Variants in WDR72 observed in about 807,000 individuals in gnomAD.
WDR72 encodes WD repeat-containing protein 72.
In WDR72, 120 loss-of-function variants were observed where a neutral mutation model predicts 124.2. The observed-to-expected ratio is 0.97, with a 90% CI of 0.83 to 1.12. WDR72 has a LOEUF of 1.12. Ranked by LOEUF, WDR72 falls within the 50% of genes most tolerant of loss-of-function variation. The pLI is 0.00. For missense variants in WDR72, 1,387 were observed against 1,278.8 expected, an observed-to-expected ratio of 1.08 and a Z score of -1.29; for synonymous variants, 452 against 441.7, an observed-to-expected ratio of 1.02 and a Z score of -0.29.
chr15:53,750,651 G>A (rs1341938782), intron 1 of WDR72, among the ~76,000 whole-genome samples: 1 of 152,144 alleles, frequency 6.6e-6, no homozygotes, highest in Admixed American at 6.6e-5. Context: ...TTCTGGAAAA[G>A]GTTCACCACT....
At chr15:53,759,273 T>C (rs1212016129) in intron 1 of WDR72, 2 of 152,190 alleles carry the variant, frequency 1.3e-5, no homozygotes, top group Non-Finnish European at 2.9e-5. Context: ...CAAGAAATTA[T>C]CCTAATAGGG....
chr15:53,596,966 A>T, intron 18 of WDR72, 113 bp downstream of exon 18: 1 of 1,007,896 alleles, frequency 9.9e-7, no homozygotes, highest in Non-Finnish European at 1.5e-6. Context: ...AATGTCTATC[A>T]CTTGTGCACC....
At chr15:53,521,646 C>CA (rs1458162373) in intron 19 of WDR72, among the ~76,000 whole-genome samples, 2 of 152,010 alleles carry the variant, frequency 1.3e-5, no homozygotes, top group Admixed American at 1.3e-4. Context: ...ATCTCGCTCC[C>CA]ATTCCATTCA....
intron 18 of WDR72, among the ~76,000 whole-genome samples, chr15:53,584,183 C>T (rs563681663): frequency 4.6e-5 from 7 of 151,988 alleles, no homozygotes; most frequent in Admixed American, 2.6e-4. Flanking sequence ...GATGAAAAAT[C>T]GGACCAAATA....
In WDR72 at chr15:53,702,193, T is replaced by C; in HGVS notation, c.1510A>G (p.Lys504Glu). 2.5e-6 allele frequency: 4 copies of C among 1,614,098 alleles called. No homozygotes were observed. The highest frequency in any genetic ancestry group is 1.7e-6 in the Non-Finnish European group (2 of 1,180,000). Residue 504 changes from lysine to glutamate, a missense_variant, in exon 12 of 20, where the codon AAA becomes GAA. Physicochemically the swap from Lys to Glu is moderately conservative, Grantham distance 56. Transcript: ENST00000360509. ...ACTGGACCAGCTTCCAAAAAGAATTTATGCAAAATTTCTTCAGTAAAGATA... is the reference window on the plus strand; with the variant it reads ...ACTGGACCAGCTTCCAAAAAGAATTCATGCAAAATTTCTTCAGTAAAGATA... ...WDIFTEEILH[K>E]FFLEAGPVTS...
At chr15:53,737,866 C>T (rs1042743199) in intron 1 of WDR72, among the ~76,000 whole-genome samples, 1 of 151,912 alleles carries the variant, frequency 6.6e-6, no homozygotes, top group African/African-American at 2.4e-5. Flanking sequence ...TCAATGAGAC[C>T]ACGCATACAA....
At chr15:53,553,794 C>T (rs11070989) in intron 18 of WDR72, among the ~76,000 whole-genome samples, 42,552 of 151,986 alleles carry the variant, frequency 0.28, 6,645 homozygotes, top group African/African-American at 0.43. Context: ...ATATTTGTGA[C>T]ATAGTAATTA....
intron 13 of WDR72, among the ~76,000 whole-genome samples, chr15:53,683,637 T>C (rs138131803): frequency 2.8e-4 from 42 of 152,090 alleles, no homozygotes; most frequent in African/African-American, 9.4e-4. Context: ...CCATAGAAAA[T>C]AGATTTTAAA....
intron 17 of WDR72, 112 bp from the exon 18 acceptor site, chr15:53,597,386 T>C (rs2012829152): frequency 2.0e-6 from 2 of 1,007,160 alleles, no homozygotes; most frequent in Admixed American, 2.3e-5. Flanking sequence ...CCATAAACGA[T>C]AACTTTTCAT....
At chr15:53,602,086 A>T (rs1319031233) in intron 17 of WDR72, among the ~76,000 whole-genome samples, 1 of 152,112 alleles carries the variant, frequency 6.6e-6, no homozygotes, top group Non-Finnish European at 1.5e-5. Context: ...TCATAATTGG[A>T]AGTAAAACAC....
chr15:53,732,892 T>C (rs2018241741), intron 2 of WDR72, 105 bp downstream of exon 2: 1 of 1,380,270 alleles, frequency 7.2e-7, no homozygotes, highest in East Asian at 2.3e-5. Context: ...AATAAACATC[T>C]TTTTAACAAT....
intron 18 of WDR72, among the ~76,000 whole-genome samples, chr15:53,566,423 A>G (rs1894296352): frequency 1.3e-5 from 2 of 152,056 alleles, no homozygotes; most frequent in African/African-American, 4.8e-5. Flanking sequence ...GGAACAGATC[A>G]GCATTATCCG....
intron 18 of WDR72, among the ~76,000 whole-genome samples, chr15:53,555,205 T>C (rs1395490436): frequency 1.0e-5 from 1 of 98,956 alleles, no homozygotes; most frequent in Non-Finnish European, 2.2e-5. Flanking sequence ...TGTGAAGCCA[T>C]TTAAGATAAA....
chr15:53,695,168 A>G (rs1319133345), intron 13 of WDR72, among the ~76,000 whole-genome samples: 2 of 152,224 alleles, frequency 1.3e-5, no homozygotes, highest in African/African-American at 2.4e-5. Flanking sequence ...AAAAAGTGCA[A>G]TTACTTAATA....
At chr15:53,712,379 C>G (rs8039611) in intron 7 of WDR72, among the ~76,000 whole-genome samples, 7,432 of 152,140 alleles carry the variant, frequency 0.049, 639 homozygotes, top group African/African-American at 0.17. Context: ...GGGCAGATCA[C>G]GAGGTCAGGA....
At chr15:53,755,118 C>T (rs1238266395) in intron 1 of WDR72, among the ~76,000 whole-genome samples, 1 of 152,180 alleles carries the variant, frequency 6.6e-6, no homozygotes, top group African/African-American at 2.4e-5. Flanking sequence ...TTTTCTCCTT[C>T]CCCAGGCGAC....
intron 18 of WDR72, among the ~76,000 whole-genome samples, chr15:53,528,370 G>C (rs1261530224): frequency 6.6e-6 from 1 of 152,058 alleles, no homozygotes; most frequent in Non-Finnish European, 1.5e-5. Flanking sequence ...AATTGGGGAA[G>C]AATCATGTAG....
chr15:53,646,343 C>T (rs1269059333), intron 14 of WDR72, among the ~76,000 whole-genome samples: 4 of 151,994 alleles, frequency 2.6e-5, no homozygotes, highest in Non-Finnish European at 5.9e-5. Context: ...TATCATATTT[C>T]CCAAATAATC....
intron 13 of WDR72, among the ~76,000 whole-genome samples, chr15:53,686,660 A>AAAGTCAAC (rs2016639434): frequency 7.2e-6 from 1 of 138,474 alleles, no homozygotes; most frequent in African/African-American, 3.5e-5. Context: ...AACGAGACAG[A>AAAGTCAAC]AAGTCAACAA....
Sources: gnomAD v4.1 joint callset for allele counts (sites outside exome capture counted in the v4.1 genomes callset) on GRCh38, gnomAD v4.1.1 for gene constraint, MANE v1.5 for transcripts, NCBI Gene and HGNC (gene_info 2026-07-23, HGNC 2026-07-21) for gene names.